The following PIK3C3 variants were observed in gnomAD, a reference collection of about 807,000 sequenced individuals.
PIK3C3 encodes the protein PI3-kinase type 3.
In PIK3C3, 95 loss-of-function variants were observed where a neutral mutation model predicts 126.1. The ratio of observed to expected loss-of-function variants is 0.75; its 90% CI spans 0.64 to 0.89. The LOEUF (loss-of-function observed/expected upper bound fraction) is 0.89, where lower values mean the gene tolerates loss of function less well. Ranked by LOEUF, PIK3C3 falls within the 40% of genes least tolerant of loss-of-function variation. The probability of loss-of-function intolerance (pLI) is 0.00; values close to 1 mark genes in which losing one functional copy is unlikely to be tolerated. For synonymous variants in PIK3C3, 374 were observed against 360.0 expected (o/e 1.04, Z -0.44); for missense variants, 829 against 1,063.2 (o/e 0.78, Z 3.06).
chr18:41,995,730 GAT>G (rs1981993015), intron 7 of PIK3C3, among the ~76,000 whole-genome samples, 158 bp from the exon 8 acceptor site: 1 of 152,092 alleles, frequency 6.6e-6, no homozygotes, highest in Non-Finnish European at 1.5e-5. Flanking sequence ...TCTTGAGAAG[GAT>G]ACATATTTTT....
At chr18:42,054,537 C>G (rs891161417) in intron 21 of PIK3C3, among the ~76,000 whole-genome samples, 1 of 152,010 alleles carries the variant, frequency 6.6e-6, no homozygotes, top group Non-Finnish European at 1.5e-5. Flanking sequence ...ACTTTGTATC[C>G]TTCAATCCAG....
chr18:41,980,311 T>C (rs1042261173), intron 4 of PIK3C3, among the ~76,000 whole-genome samples: 3 of 152,186 alleles, frequency 2.0e-5, no homozygotes, highest in Non-Finnish European at 4.4e-5. Context: ...CTGAATCACT[T>C]AATGATTTAG....
At chr18:41,963,588 G>A (rs1568111386) in intron 3 of PIK3C3, among the ~76,000 whole-genome samples, 1 of 152,134 alleles carries the variant, frequency 6.6e-6, no homozygotes, top group African/African-American at 2.4e-5. Flanking sequence ...TCTGAAAGAA[G>A]TTCTGGTTCC....
intron 23 of PIK3C3, among the ~76,000 whole-genome samples, chr18:42,066,978 C>A (rs1314792589): frequency 6.6e-6 from 1 of 151,838 alleles, no homozygotes; most frequent in Non-Finnish European, 1.5e-5. Context: ...CTTGCTTCAT[C>A]CAATTCACAA....
At chr18:42,009,646 T>C (rs1443862406) in intron 10 of PIK3C3, among the ~76,000 whole-genome samples, 2 of 142,990 alleles carry the variant, frequency 1.4e-5, no homozygotes, top group Non-Finnish European at 3.0e-5. Flanking sequence ...TATGTAATGC[T>C]TACATTATGT....
chr18:42,085,034 A>G lies in PIK3C3; in HGVS notation c.*3897A>G, dbSNP rs1986370854. 1 of 152,228 alleles carries G rather than the reference A, an allele frequency of 6.6e-6. No homozygotes were observed. The highest frequency in any genetic ancestry group is 2.4e-5 in the African/African-American group (1 of 41,462). The allele number at this position is 152,228 out of a possible 1,614,324, so 9.4% of individuals were successfully genotyped here. On this transcript the variant is annotated 3_prime_UTR_variant, in exon 25 of 25. Coordinates refer to ENST00000262039, the MANE Select transcript of PIK3C3 (RefSeq NM_002647.4). ...CCAACCCAACCAGGTATCTCTTGTT[A>G]TATGCTAACTTCATTTTCCCTTTCT...
intron 21 of PIK3C3, among the ~76,000 whole-genome samples, chr18:42,054,138 A>ATCTATATC: frequency 9.4e-5 from 2 of 21,318 alleles, no homozygotes; most frequent in South Asian, 2.4e-3. Flanking sequence ...ATATATATAT[A>ATCTATATC]TATATATATA....
At chr18:41,993,240 T>G (rs752190828) in intron 6 of PIK3C3, 30 bp from the exon 7 acceptor site, 1 of 1,470,012 alleles carries the variant, frequency 6.8e-7, no homozygotes, top group East Asian at 2.3e-5. Flanking sequence ...TAAATTTCTT[T>G]TTTTAAAAAA....
intron 2 of PIK3C3, 139 bp downstream of exon 2, chr18:41,957,897 A>T: frequency 1.7e-6 from 1 of 586,830 alleles, no homozygotes; most frequent in Admixed American, 3.5e-5. Flanking sequence ...AAGTAGAAAC[A>T]TACTCAGATA....
intron 3 of PIK3C3, among the ~76,000 whole-genome samples, chr18:41,966,199 T>TG (rs1980356903): frequency 7.3e-6 from 1 of 137,040 alleles, no homozygotes; most frequent in African/African-American, 2.8e-5. Flanking sequence ...TTTTTTTTTT[T>TG]TGAGATGGAT....
At chr18:41,969,676 G>A (rs1340275132) in intron 3 of PIK3C3, among the ~76,000 whole-genome samples, 1 of 152,186 alleles carries the variant, frequency 6.6e-6, no homozygotes, top group Admixed American at 6.5e-5. Context: ...ACAGCAAAAA[G>A]ACTAGTAATA....
At chr18:42,022,722 AT>A (rs1983384078) in intron 13 of PIK3C3, among the ~76,000 whole-genome samples, 4 of 152,118 alleles carry the variant, frequency 2.6e-5, no homozygotes, top group South Asian at 4.1e-4. Context: ...GTTTAATATA[AT>A]ATTCATAAAA....
At chr18:41,955,799 G>C (rs1979740280) in intron 1 of PIK3C3, among the ~76,000 whole-genome samples, 1 of 152,198 alleles carries the variant, frequency 6.6e-6, no homozygotes, top group South Asian at 2.1e-4. Context: ...TTGAGAATAA[G>C]ATGAGCACAT....
intron 21 of PIK3C3, among the ~76,000 whole-genome samples, chr18:42,052,218 A>G (rs1984837999): frequency 6.6e-6 from 1 of 152,054 alleles, no homozygotes. Context: ...TGGAAGGAAG[A>G]ATCTGCGTAA....
intron 24 of PIK3C3, among the ~76,000 whole-genome samples, chr18:42,079,094 A>G (rs1019106242): frequency 6.6e-6 from 1 of 152,194 alleles, no homozygotes; most frequent in African/African-American, 2.4e-5. Flanking sequence ...CTTTGATGCG[A>G]GAGTCTTAAC....
chr18:42,049,693 G>A, intron 21 of PIK3C3, 88 bp downstream of exon 21: 1 of 1,092,646 alleles, frequency 9.2e-7, no homozygotes, highest in Admixed American at 1.8e-5. Context: ...ATAAGTTGCG[G>A]CCTGGCGCGG....
chr18:41,993,944 T>A (rs908240523), intron 7 of PIK3C3, among the ~76,000 whole-genome samples: 5 of 152,128 alleles, frequency 3.3e-5, no homozygotes, highest in Admixed American at 3.3e-4. Flanking sequence ...ATTACAAACT[T>A]GTAGGCACAA....
At chr18:42,037,909 T>C (rs1453316027) in intron 17 of PIK3C3, 89 bp downstream of exon 17, 3 of 1,220,498 alleles carry the variant, frequency 2.5e-6, no homozygotes, top group African/African-American at 1.5e-5. Context: ...AACAGAAGTA[T>C]TTGTAACATT....
At position 41,955,377 on chromosome 18, in the gene PIK3C3, A is replaced by G; in HGVS notation, c.68+18A>G. The G allele has an allele frequency of 6.2e-7, 1 of 1,606,744 alleles. No individual in the cohort carries two copies. The highest frequency in any genetic ancestry group is 8.5e-7 in the Non-Finnish European group (1 of 1,174,222). Reference sequence around the variant, plus strand: ...CTTAAGATGTAAGAGAACACTCGGGACAGGGAGTGGGATTGCTGGGGCGTA... The same window carrying G: ...CTTAAGATGTAAGAGAACACTCGGGGCAGGGAGTGGGATTGCTGGGGCGTA... On this transcript the variant is annotated intron_variant, in intron 1 of 24. Transcript: ENST00000262039.
Sources: allele counts gnomAD v4.1 joint callset (sites outside exome capture counted in the v4.1 genomes callset), GRCh38; gene constraint gnomAD v4.1.1; transcripts MANE v1.5; gene names NCBI Gene and HGNC (gene_info 2026-07-23, HGNC 2026-07-21).